Variants in LRRC4C observed in about 807,000 individuals in gnomAD.
LRRC4C encodes leucine rich repeat containing 4C, also known as leucine-rich repeat-containing protein 4C.
A neutral mutation model predicts 33.6 loss-of-function variants in LRRC4C; 5 were observed. The ratio of observed to expected loss-of-function variants is 0.15; its 90% CI spans 0.08 to 0.31. LRRC4C has a LOEUF of 0.31. LRRC4C is among the 10% of genes least tolerant of loss of function. LRRC4C has a pLI of 1.00. For missense variants in LRRC4C, 560 were observed against 796.7 expected (o/e 0.70, Z 3.58); for synonymous variants, 329 against 302.0 (o/e 1.09, Z -0.93).
intron 2 of LRRC4C, among the ~76,000 whole-genome samples, chr11:40,769,954 TATATCCCCAACCAGAGAAA>T (rs901469830): frequency 6.6e-6 from 1 of 152,088 alleles, no homozygotes; most frequent in South Asian, 2.1e-4. Flanking sequence ...CCAAAAGCCT[TATATCCCCAACCAGAGAAA>T]ATATCCCCAA....
At chr11:40,145,622 T>C (rs966040461) in intron 5 of LRRC4C, among the ~76,000 whole-genome samples, 1 of 152,134 alleles carries the variant, frequency 6.6e-6, no homozygotes, top group Middle Eastern at 3.2e-3. Context: ...TGCCTTACCA[T>C]AGCTTAAAAT....
chr11:40,513,397 A>C (rs78560409), intron 3 of LRRC4C, among the ~76,000 whole-genome samples: 3,139 of 152,254 alleles, frequency 0.021, 120 homozygotes, highest in African/African-American at 0.071. Context: ...ATAGATGAGA[A>C]TAAGCTACAT....
At chr11:40,953,634 C>T (rs1459851607) in intron 1 of LRRC4C, among the ~76,000 whole-genome samples, 3 of 151,824 alleles carry the variant, frequency 2.0e-5, no homozygotes, top group African/African-American at 7.3e-5. Context: ...ACTATGAATA[C>T]TTAAATGATG....
intron 5 of LRRC4C, among the ~76,000 whole-genome samples, chr11:40,208,281 C>T (rs948638297): frequency 4.6e-5 from 7 of 152,042 alleles, no homozygotes; most frequent in Non-Finnish European, 1.0e-4. Context: ...GAGCAAATTG[C>T]AAATGAAGAC....
chr11:41,038,412 T>C (rs2137931712), intron 1 of LRRC4C, among the ~76,000 whole-genome samples: 1 of 152,310 alleles, frequency 6.6e-6, no homozygotes, highest in South Asian at 2.1e-4. Flanking sequence ...TCATTTACAT[T>C]TTCAATGCTA....
intron 3 of LRRC4C, among the ~76,000 whole-genome samples, chr11:40,359,152 G>T (rs886677167): frequency 3.3e-5 from 5 of 152,164 alleles, no homozygotes; most frequent in African/African-American, 1.2e-4. Context: ...CTGATACAAA[G>T]AACTAATTCA....
Position 41,190,791 on chromosome 11 carries a change from A to G in LRRC4C, c.-495-257068T>C, listed in dbSNP as rs556601253. Among the ~76,000 whole-genome samples the G allele has an allele frequency of 1.4e-4, 22 of 152,306 alleles. 1 individual carries two copies. In the South Asian group the frequency reaches 4.6e-3, roughly 32 times the overall value. ...TGCTGTATCTGCAGAATGTTGGGTA[A>G]TGATGATGAAAGCCCTTTCAGAATA... is the stretch of plus-strand genomic sequence containing the variant. On this transcript the variant is annotated intron_variant, in intron 1 of 6. Transcript: ENST00000528697.
chr11:40,587,203 T>G (rs1958797769), intron 3 of LRRC4C, among the ~76,000 whole-genome samples: 1 of 151,700 alleles, frequency 6.6e-6, no homozygotes, highest in East Asian at 1.9e-4. Context: ...CCCTTGTAAG[T>G]TGGATTCCTA....
At chr11:41,259,609 T>G (rs115066394) in intron 1 of LRRC4C, among the ~76,000 whole-genome samples, 1,662 of 152,126 alleles carry the variant, frequency 0.011, 26 homozygotes, top group African/African-American at 0.038. Flanking sequence ...TTAAAGTAAA[T>G]CACTCTATTG....
At chr11:40,627,769 G>A (rs1468771895) in intron 3 of LRRC4C, among the ~76,000 whole-genome samples, 1 of 152,154 alleles carries the variant, frequency 6.6e-6, no homozygotes, top group African/African-American at 2.4e-5. Flanking sequence ...AGAAACTCAA[G>A]CGTGAAGAAA....
intron 2 of LRRC4C, among the ~76,000 whole-genome samples, chr11:40,682,235 A>C (rs773964988): frequency 6.6e-6 from 1 of 151,316 alleles, no homozygotes; most frequent in Admixed American, 6.6e-5. Flanking sequence ...GCACCACTGC[A>C]CTCCAGCCTG....
At chr11:40,789,359 G>A (rs1221977609) in intron 2 of LRRC4C, among the ~76,000 whole-genome samples, 1 of 152,100 alleles carries the variant, frequency 6.6e-6, no homozygotes, top group Non-Finnish European at 1.5e-5. Flanking sequence ...TACCGAAAAT[G>A]TACATAGTCG....
intron 1 of LRRC4C, among the ~76,000 whole-genome samples, chr11:41,142,237 C>G (rs887169430): frequency 6.6e-6 from 1 of 152,162 alleles, no homozygotes; most frequent in Admixed American, 6.6e-5. Context: ...CATTTGCTCC[C>G]TCTGCTAGGC....
intron 2 of LRRC4C, among the ~76,000 whole-genome samples, chr11:40,876,776 G>C (rs1022454628): frequency 6.6e-6 from 1 of 151,756 alleles, no homozygotes; most frequent in Non-Finnish European, 1.5e-5. Context: ...GGTGGCAGGA[G>C]ACTGTAGTCT....
chr11:40,145,999 G>C (rs563119326), intron 5 of LRRC4C, among the ~76,000 whole-genome samples: 1 of 152,268 alleles, frequency 6.6e-6, no homozygotes, highest in South Asian at 2.1e-4. Context: ...TTTAATAGGA[G>C]AGAGCAAGGT....
At chr11:41,028,968 TTA>T (rs1174803616) in intron 1 of LRRC4C, among the ~76,000 whole-genome samples, 2 of 151,728 alleles carry the variant, frequency 1.3e-5, no homozygotes, top group East Asian at 3.9e-4. Flanking sequence ...CATCACACAT[TTA>T]TATGTATATA....
chr11:40,449,741 C>T (rs941131057), intron 3 of LRRC4C, among the ~76,000 whole-genome samples: 4 of 152,270 alleles, frequency 2.6e-5, no homozygotes, highest in African/African-American at 9.6e-5. Flanking sequence ...TTTATAATGG[C>T]ATCCCTAGAG....
intron 2 of LRRC4C, among the ~76,000 whole-genome samples, chr11:40,927,299 G>A (rs1407641687): frequency 1.3e-5 from 2 of 151,470 alleles, no homozygotes; most frequent in African/African-American, 2.4e-5. Flanking sequence ...ACTTGAACCC[G>A]AGAGGCGGAG....
intron 1 of LRRC4C, among the ~76,000 whole-genome samples, chr11:41,010,112 T>C (rs1855065634): frequency 6.6e-6 from 1 of 152,090 alleles, no homozygotes; most frequent in African/African-American, 2.4e-5. Flanking sequence ...TCCCCAAAGC[T>C]GTCAGAGAAA....
Sources: gnomAD v4.1 joint callset for allele counts (sites outside exome capture counted in the v4.1 genomes callset) on GRCh38, gnomAD v4.1.1 for gene constraint, MANE v1.5 for transcripts, NCBI Gene and HGNC (gene_info 2026-07-23, HGNC 2026-07-21) for gene names.